The following GSTA1 variants were observed in gnomAD, a reference collection of about 807,000 sequenced individuals.
GSTA1 encodes glutathione S-transferase A1.
In GSTA1, 23 loss-of-function variants were observed where a neutral mutation model predicts 21.5. The observed-to-expected ratio is 1.07, with a 90% confidence interval of 0.77 to 1.52. The LOEUF is 1.52. GSTA1 is among the 40% of genes most tolerant of loss of function. The pLI is 0.00. For missense variants in GSTA1, 301 were observed against 264.2 expected, an observed-to-expected ratio of 1.14 and a Z score of -0.96; for synonymous variants, 125 against 90.0, an observed-to-expected ratio of 1.39 and a Z score of -2.20.
chr6:52,801,686 T>C (rs964697671), intron 1 of GSTA1, among the ~76,000 whole-genome samples: 1 of 152,206 alleles, frequency 6.6e-6, no homozygotes, highest in African/African-American at 2.4e-5. Context: ...TTGAGCTTTG[T>C]TGGGTCAACA....
In GSTA1 at chr6:52,791,501, T is replaced by A. The variant is rs1763452840; in HGVS notation, c.*357A>T. ...TGTGCATACCTGAAAATGTCAGAAGTGCATTTCTACATTGACATTTTAATA... is the reference window on the plus strand; with the variant it reads ...TGTGCATACCTGAAAATGTCAGAAGAGCATTTCTACATTGACATTTTAATA... On this transcript the variant is annotated 3_prime_UTR_variant, in exon 7 of 7. Coordinates refer to ENST00000334575, the MANE Select transcript of GSTA1 (RefSeq NM_145740.5). Among the ~76,000 whole-genome samples the A allele has an allele frequency of 6.6e-6, 1 of 152,210 alleles. No homozygotes were observed. Among genetic ancestry groups the A allele is most frequent in the South Asian group, 2.1e-4 (1 of 4,836 alleles).
intron 3 of GSTA1, among the ~76,000 whole-genome samples, chr6:52,796,850 T>G (rs1362194170): frequency 6.6e-6 from 1 of 152,004 alleles, no homozygotes; most frequent in Admixed American, 6.6e-5. Context: ...CAAACAACAT[T>G]TTTAAAAAGC....
intron 2 of GSTA1, among the ~76,000 whole-genome samples, chr6:52,798,295 G>A (rs1763635530): frequency 6.8e-6 from 1 of 147,164 alleles, no homozygotes; most frequent in African/African-American, 2.5e-5. Flanking sequence ...ATTGGGGAAT[G>A]CTTGTGTGTT....
chr6:52,799,494 T>C (rs1017140973), intron 1 of GSTA1, among the ~76,000 whole-genome samples, 197 bp from the exon 2 acceptor site: 5 of 152,186 alleles, frequency 3.3e-5, no homozygotes, highest in Non-Finnish European at 7.3e-5. Flanking sequence ...AGCAAACCAG[T>C]CTCAAGTCTT....
At position 52,801,602 on chromosome 6, in the gene GSTA1, G is replaced by A. The variant is rs1197880738; in HGVS notation, c.-31+2183C>T. 1.3e-5 allele frequency among the ~76,000 whole-genome samples: 2 copies of A among 152,150 alleles called. 1 individual carries two copies. Among genetic ancestry groups the A allele is most frequent in the South Asian group, 4.1e-4 (2 of 4,830 alleles). ...CATAATATTTTATCACAACACTCCT[G>A]CTGATAACTAGCATATCACTTTCTC... is the stretch of plus-strand genomic sequence containing the variant. On this transcript the variant is annotated intron_variant, in intron 1 of 6. Coordinates refer to ENST00000334575, the MANE Select transcript of GSTA1 (RefSeq NM_145740.5).
intron 4 of GSTA1, 118 bp from the exon 5 acceptor site, chr6:52,794,384 G>A (rs182071968): frequency 5.7e-4 from 522 of 913,246 alleles, no homozygotes; most frequent in Non-Finnish European, 8.8e-5. Flanking sequence ...TCCAGTGGGT[G>A]CCTTTTATAG....
intron 4 of GSTA1, 62 bp from the exon 5 acceptor site, chr6:52,794,328 A>G: frequency 2.0e-6 from 3 of 1,527,960 alleles, no homozygotes; most frequent in Non-Finnish European, 1.8e-6. Context: ...TAGGTTTATA[A>G]AAACCTAAGG....
intron 5 of GSTA1, among the ~76,000 whole-genome samples, chr6:52,793,422 G>A (rs1763505212): frequency 6.6e-6 from 1 of 152,086 alleles, no homozygotes; most frequent in Non-Finnish European, 1.5e-5. Flanking sequence ...TCCCCAGGAG[G>A]AGACTATTTC....
In GSTA1 at chr6:52,791,970, G is replaced by T. The variant is rs1339782608; in HGVS notation, c.557C>A (p.Thr186Asn). ...SSFPLLKALK[T>N]RISNLPTVKK... is the part of the protein sequence containing the mutation. ...CACTGTGGGCAGGTTGCTGATTCTG[G>T]TTTTCAGGGCCTGTAATTCATAAAG... is the stretch of plus-strand genomic sequence containing the variant. The change falls in exon 7 of 7, where the codon ACC becomes AAC. Residue 186 changes from threonine (T) to asparagine (N), a missense_variant. Transcript: ENST00000334575. 1 of 1,613,928 alleles carries T rather than the reference G, an allele frequency of 6.2e-7. No homozygotes were observed. Among genetic ancestry groups the T allele is most frequent in the South Asian group, 1.1e-5 (1 of 91,068 alleles).
chr6:52,799,242 TAGTG>T lies in GSTA1; in HGVS notation c.22_25del (p.His8ThrfsTer20). The T allele has an allele frequency of 6.2e-7, 1 of 1,613,928 alleles. No individual in the cohort carries two copies. The highest frequency in any genetic ancestry group is 8.5e-7 in the Non-Finnish European group (1 of 1,179,894). On this transcript the variant is annotated frameshift_variant, in exon 2 of 7. Transcript: ENST00000334575. LOFTEE classifies it high-confidence loss of function. ...CTCCATTCTGCCCCGTGCATTGAAG[TAGTG>T]GAGCTTGGGCTTCTCTGCCATGATA...
chr6:52,796,338 AGAGTG>A (rs1481460910), intron 3 of GSTA1, 24 bp from the exon 4 acceptor site: 1 of 1,613,508 alleles, frequency 6.2e-7, no homozygotes, highest in East Asian at 2.2e-5. Flanking sequence ...AAAAAAAAGG[AGAGTG>A]AAGTGTCTAT....
intron 3 of GSTA1, among the ~76,000 whole-genome samples, 169 bp from the exon 4 acceptor site, chr6:52,796,483 A>ATGTG (rs1488219357): frequency 7.6e-3 from 35 of 4,632 alleles, no homozygotes; most frequent in African/African-American, 0.051. Context: ...ATATATATAT[A>ATGTG]TATATATGTG....
At chr6:52,793,619 T>A (rs1763509678) in intron 5 of GSTA1, among the ~76,000 whole-genome samples, 1 of 152,176 alleles carries the variant, frequency 6.6e-6, no homozygotes, top group Admixed American at 6.5e-5. Flanking sequence ...TGCAACTTAC[T>A]CTAAAATCCA....
chr6:52,802,345 C>G (rs1234448947), intron 1 of GSTA1, among the ~76,000 whole-genome samples: 2 of 152,184 alleles, frequency 1.3e-5, no homozygotes, highest in African/African-American at 4.8e-5. Flanking sequence ...TAAACTATGA[C>G]TCCTTCCATT....
At chr6:52,792,791 G>T in intron 6 of GSTA1, 65 bp downstream of exon 6, 1 of 1,612,258 alleles carries the variant, frequency 6.2e-7, no homozygotes, top group South Asian at 1.1e-5. Flanking sequence ...CAGTCGCAGG[G>T]CCCAGATACA....
Position 52,791,707 on chromosome 6 carries a change from C to T in GSTA1, c.*151G>A, listed in dbSNP as rs1052089. ...AACAAATCAATTTTAACTAAGTCAG[C>T]GAATAGGAGTTGTATTATTTAATTA... On this transcript the variant is annotated 3_prime_UTR_variant, in exon 7 of 7. Transcript: ENST00000334575. 72 of 856,868 alleles carry T rather than the reference C, an allele frequency of 8.4e-5. 1 individual carries two copies. Among genetic ancestry groups the T allele is most frequent in the Admixed American group, 7.8e-4 (26 of 33,430 alleles). 53.1% of individuals were successfully genotyped at this position (856,868 alleles called of 1,614,324 possible). A position where few individuals can be genotyped will look rare whatever the true frequency, so the allele number is the denominator to read the frequency against.
At chr6:52,794,639 A>T (rs1581793946) in intron 4 of GSTA1, among the ~76,000 whole-genome samples, 1 of 152,196 alleles carries the variant, frequency 6.6e-6, no homozygotes, top group Non-Finnish European at 1.5e-5. Context: ...ATGGCCAAAG[A>T]CCTGCTTCCT....
Position 52,799,420 on chromosome 6 carries a change from G to T in GSTA1, c.-30-123C>A, listed in dbSNP as rs1222140664. The T allele has an allele frequency of 3.7e-5, 24 of 643,270 alleles. No homozygotes were observed. In the South Asian group the frequency reaches 5.3e-4, roughly 14 times the overall value. 39.8% of individuals were successfully genotyped at this position (643,270 alleles called of 1,614,324 possible). A position where few individuals can be genotyped will look rare whatever the true frequency, so the allele number is the denominator to read the frequency against. On this transcript the variant is annotated intron_variant, in intron 1 of 6. Transcript: ENST00000334575. ...ACCTTCCTTCTTCATGACTGTGTTG[G>T]AGGAGTTCCTGGAATGTTTTCTTGG... is the stretch of plus-strand genomic sequence containing the variant.
chr6:52,795,929 C>T (rs1763565002), intron 4 of GSTA1, among the ~76,000 whole-genome samples: 1 of 152,136 alleles, frequency 6.6e-6, no homozygotes, highest in African/African-American at 2.4e-5. Context: ...CATGGTTCAT[C>T]CGTGTTTGGA....
Sources: allele counts gnomAD v4.1 joint callset (sites outside exome capture counted in the v4.1 genomes callset), GRCh38; gene constraint gnomAD v4.1.1; transcripts MANE v1.5; gene names NCBI Gene and HGNC (gene_info 2026-07-23, HGNC 2026-07-21).